Variants in MOCOS observed in about 807,000 individuals in gnomAD.
MOCOS encodes the protein human molybdenum cofactor sulfurase.
In MOCOS, 86 loss-of-function variants were observed where a neutral mutation model predicts 83.6. The ratio of observed to expected loss-of-function variants is 1.03; its 90% CI spans 0.86 to 1.23. MOCOS has a LOEUF of 1.23. Ranked by LOEUF, MOCOS falls within the 50% of genes most tolerant of loss-of-function variation. The pLI is 0.00. For synonymous variants in MOCOS, 445 were observed against 434.7 expected (o/e 1.02, Z -0.29); for missense variants, 1,120 against 1,126.9 (o/e 0.99, Z 0.09).
chr18:36,201,523 G>T (rs1286705668), intron 4 of MOCOS, among the ~76,000 whole-genome samples: 1 of 151,884 alleles, frequency 6.6e-6, no homozygotes, highest in African/African-American at 2.4e-5. Flanking sequence ...TTAGCTGAGT[G>T]TGGTGGTGGG....
intron 4 of MOCOS, among the ~76,000 whole-genome samples, chr18:36,201,841 G>A (rs2091416308): frequency 6.6e-6 from 1 of 152,114 alleles, no homozygotes; most frequent in African/African-American, 2.4e-5. Flanking sequence ...GACTCCAAGT[G>A]TGATAATTTA....
chr18:36,244,033 A>G (rs2091593814), intron 9 of MOCOS, among the ~76,000 whole-genome samples: 1 of 151,430 alleles, frequency 6.6e-6, no homozygotes, highest in African/African-American at 2.4e-5. Flanking sequence ...CACACTAATG[A>G]TCTATTGGTT....
chr18:36,257,099 C>T, intron 12 of MOCOS, 26 bp downstream of exon 12: 1 of 1,583,896 alleles, frequency 6.3e-7, no homozygotes, highest in Admixed American at 1.7e-5. Flanking sequence ...TCGGGACTAG[C>T]AGACAAGCAT....
chr18:36,213,289 C>T, intron 6 of MOCOS, 77 bp from the exon 7 acceptor site: 1 of 1,123,968 alleles, frequency 8.9e-7, no homozygotes, highest in South Asian at 1.3e-5. Context: ...AAAGAGAGGT[C>T]CAAATCCTGA....
chr18:36,240,489 C>T (rs867885262), intron 9 of MOCOS, among the ~76,000 whole-genome samples: 11 of 150,142 alleles, frequency 7.3e-5, no homozygotes, highest in Admixed American at 2.0e-4. Flanking sequence ...GCAGTCTGCC[C>T]GTTCTCAGAT....
rs951043441 is a variant in MOCOS, at chr18:36,198,928, C to T, written c.299+172C>T. Among the ~76,000 whole-genome samples the T allele has an allele frequency of 2.0e-5, 3 of 152,092 alleles. No individual in the cohort carries two copies. The South Asian group carries it at 6.2e-4, about 32-fold the overall frequency. ...TCAGAGTCAGAGCTCAGAAAGGCAGCGGTGAGTAGATGCAGTGTGGGGCAG... is the reference window on the plus strand; with the variant it reads ...TCAGAGTCAGAGCTCAGAAAGGCAGTGGTGAGTAGATGCAGTGTGGGGCAG... On this transcript the variant is annotated intron_variant, in intron 3 of 14. Transcript: ENST00000261326.
chr18:36,226,888 C>CTT lies in MOCOS; in HGVS notation c.1960+6686_1960+6687dup, dbSNP rs36075117. On this transcript the variant is annotated intron_variant, in intron 9 of 14. Coordinates refer to ENST00000261326, the MANE Select transcript of MOCOS (RefSeq NM_017947.4). The stretch of plus-strand genomic sequence containing the variant: ...ATTTACATCTATTCATGATGTGTAT[C>CTT]TTTTTTTTTTTTTTTTGAGACAGGG... 3.7e-3 allele frequency among the ~76,000 whole-genome samples: 512 copies of CTT among 137,556 alleles called. 5 individuals carry two copies. The highest frequency in any genetic ancestry group is 0.019 in the South Asian group (81 of 4,290). 90.2% of individuals were successfully genotyped at this position (137,556 alleles called of 152,430 possible).
chr18:36,225,394 C>A (rs1218870819), intron 9 of MOCOS, among the ~76,000 whole-genome samples: 1 of 152,180 alleles, frequency 6.6e-6, no homozygotes, highest in African/African-American at 2.4e-5. Flanking sequence ...TCGTGATCTG[C>A]CTGCCTTGGC....
In MOCOS at chr18:36,257,783, G is replaced by A. The variant is rs548037010; in HGVS notation, c.2270+710G>A. Among the ~76,000 whole-genome samples the A allele has an allele frequency of 7.9e-5, 12 of 152,294 alleles. No individual in the cohort carries two copies. In the East Asian group the frequency reaches 2.3e-3, roughly 29 times the overall value. ...CAGGCCAGAGATGAGTGTTGTTAGT[G>A]GCTCACCCCTAACAGCACTGTGAAC... On this transcript the variant is annotated intron_variant, in intron 12 of 14. Coordinates refer to ENST00000261326, the MANE Select transcript of MOCOS (RefSeq NM_017947.4).
At chr18:36,218,624 C>G (rs1002942306) in intron 8 of MOCOS, among the ~76,000 whole-genome samples, 3 of 152,216 alleles carry the variant, frequency 2.0e-5, no homozygotes, top group Non-Finnish European at 4.4e-5. Flanking sequence ...AAGCTATCCT[C>G]CCGCCTCTGC....
At chr18:36,257,725 G>A (rs598246) in intron 12 of MOCOS, among the ~76,000 whole-genome samples, 47,768 of 151,898 alleles carry the variant, frequency 0.31, 8,288 homozygotes, top group Non-Finnish European at 0.4. Context: ...CATGCCACAG[G>A]GTGACTGGGA....
intron 9 of MOCOS, among the ~76,000 whole-genome samples, chr18:36,240,771 C>G (rs1408268506): frequency 6.6e-6 from 1 of 152,188 alleles, no homozygotes; most frequent in Non-Finnish European, 1.5e-5. Context: ...GACTGCTGTG[C>G]TAGCAATCAG....
chr18:36,215,378 C>A (rs12457201), intron 7 of MOCOS, 138 bp from the exon 8 acceptor site: 1 of 826,088 alleles, frequency 1.2e-6, no homozygotes, highest in Non-Finnish European at 2.0e-6. Context: ...ATGTCCCAGA[C>A]GCACAGCACA....
chr18:36,236,805 C>T (rs1490663386), intron 9 of MOCOS, among the ~76,000 whole-genome samples: 3 of 138,338 alleles, frequency 2.2e-5, no homozygotes, highest in African/African-American at 5.4e-5. Flanking sequence ...TCTTTTATTT[C>T]GTTGAGCAGT....
chr18:36,259,901 G>GC, intron 12 of MOCOS, 136 bp from the exon 13 acceptor site: 1 of 1,256,234 alleles, frequency 8.0e-7, no homozygotes, highest in Non-Finnish European at 1.2e-6. Flanking sequence ...GTAAAAGTCT[G>GC]TTTTGATTAT....
chr18:36,241,883 C>T (rs1425313584), intron 9 of MOCOS, among the ~76,000 whole-genome samples: 1 of 152,228 alleles, frequency 6.6e-6, no homozygotes, highest in African/African-American at 2.4e-5. Context: ...GTACCTTGGC[C>T]CTTTTAGCCA....
chr18:36,253,107 T>C (rs969084521), intron 11 of MOCOS, among the ~76,000 whole-genome samples: 5 of 152,108 alleles, frequency 3.3e-5, no homozygotes, highest in African/African-American at 9.7e-5. Flanking sequence ...TCTGGAGAAG[T>C]GAGCAGCAGT....
At chr18:36,234,593 T>G (rs985474750) in intron 9 of MOCOS, among the ~76,000 whole-genome samples, 1 of 152,204 alleles carries the variant, frequency 6.6e-6, no homozygotes, top group Non-Finnish European at 1.5e-5. Context: ...TTGATGGGAA[T>G]TGCACTGAAT....
rs769785708 is a variant in MOCOS, at chr18:36,213,354, T to G, written c.1219-12T>G. ...TGGTAATGGCTCATTCCATGTTACATTAAATCCGCAGGTGGACAAAATGGC... is the reference window on the plus strand; with the variant it reads ...TGGTAATGGCTCATTCCATGTTACAGTAAATCCGCAGGTGGACAAAATGGC... On this transcript the variant is annotated splice_polypyrimidine_tract_variant and intron_variant, in intron 6 of 14. Transcript: ENST00000261326. The G allele has an allele frequency of 1.2e-6, 2 of 1,609,998 alleles. No individual in the cohort carries two copies. The highest frequency in any genetic ancestry group is 1.7e-6 in the Non-Finnish European group (2 of 1,176,424).
Sources: gnomAD v4.1 joint callset for allele counts (sites outside exome capture counted in the v4.1 genomes callset) on GRCh38, gnomAD v4.1.1 for gene constraint, MANE v1.5 for transcripts, NCBI Gene and HGNC (gene_info 2026-07-23, HGNC 2026-07-21) for gene names.